Variants in SLC16A7 observed in about 807,000 individuals in gnomAD.
SLC16A7 encodes solute carrier family 16 member 7.
A neutral mutation model predicts 34.9 loss-of-function variants in SLC16A7; 33 were observed. The observed-to-expected ratio is 0.94, with a 90% CI of 0.72 to 1.26. The LOEUF (loss-of-function observed/expected upper bound fraction) is 1.26. Among genes scored for constraint, SLC16A7 ranks in the 50% most tolerant of loss-of-function variants. SLC16A7 has a pLI of 0.00. For synonymous variants in SLC16A7, 201 were observed against 206.6 expected (o/e 0.97, Z 0.23); for missense variants, 573 against 578.1 (o/e 0.99, Z 0.09).
chr12:59,620,507 G>C (rs1383530642), intron 1 of SLC16A7, among the ~76,000 whole-genome samples: 2 of 151,910 alleles, frequency 1.3e-5, no homozygotes, highest in Non-Finnish European at 2.9e-5. Flanking sequence ...ATTTATTTTT[G>C]CATTTCTGTC....
At chr12:59,639,357 A>C (rs1179325724) in intron 1 of SLC16A7, among the ~76,000 whole-genome samples, 1 of 152,162 alleles carries the variant, frequency 6.6e-6, no homozygotes, top group Non-Finnish European at 1.5e-5. Context: ...AAGTGATTAA[A>C]AGGAAAAAAG....
intron 3 of SLC16A7, among the ~76,000 whole-genome samples, chr12:59,761,742 C>T (rs1307372982): frequency 6.6e-6 from 1 of 152,036 alleles, no homozygotes; most frequent in African/African-American, 2.4e-5. Flanking sequence ...GGCATAATTC[C>T]TTGGAAGTGA....
In SLC16A7 at chr12:59,774,863, G is replaced by T; in HGVS notation, c.568G>T (p.Val190Leu). The T allele has an allele frequency of 1.2e-6, 2 of 1,613,940 alleles. No individual in the cohort carries two copies. The highest frequency in any genetic ancestry group is 2.2e-5 in the East Asian group (1 of 44,864). Residue 190 changes from valine to leucine, a missense_variant, in exon 5 of 6, where the codon GTG (valine) becomes TTG (leucine). Physicochemically the swap from Val to Leu is conservative, Grantham distance 32. Coordinates refer to ENST00000547379, the MANE Select transcript of SLC16A7 (RefSeq NM_001270623.2). ...ILGSLLLNAC[V>L]AGSLMRPLGP... ...GGGAAGTCTACTTTTGAATGCCTGT[G>T]TGGCTGGTTCCCTCATGAGACCCCT...
At chr12:59,692,026 A>G (rs2137099024) in intron 2 of SLC16A7, among the ~76,000 whole-genome samples, 1 of 152,118 alleles carries the variant, frequency 6.6e-6, no homozygotes, top group African/African-American at 2.4e-5. Context: ...CTATATTCTT[A>G]CATTTCTAGA....
chr12:59,742,832 T>C (rs916652314), intron 3 of SLC16A7, among the ~76,000 whole-genome samples: 10 of 152,236 alleles, frequency 6.6e-5, no homozygotes, highest in Non-Finnish European at 1.5e-4. Flanking sequence ...CAGCATGTTT[T>C]TCCTCTCTGT....
chr12:59,705,271 C>T (rs1226405876), intron 3 of SLC16A7, among the ~76,000 whole-genome samples: 1 of 152,170 alleles, frequency 6.6e-6, no homozygotes, highest in Non-Finnish European at 1.5e-5. Context: ...GCAAGATTTA[C>T]TAAATTATGG....
chr12:59,670,475 T>A (rs1429383196), intron 2 of SLC16A7, among the ~76,000 whole-genome samples: 1 of 152,138 alleles, frequency 6.6e-6, no homozygotes, highest in African/African-American at 2.4e-5. Flanking sequence ...ATTCCAACAT[T>A]CCCAAATGTC....
intron 2 of SLC16A7, among the ~76,000 whole-genome samples, chr12:59,661,180 T>C (rs1380735320): frequency 6.6e-6 from 1 of 152,058 alleles, no homozygotes; most frequent in Non-Finnish European, 1.5e-5. Context: ...GAGCATGCCA[T>C]TGTCTGCATT....
At chr12:59,623,842 G>A (rs1036462946) in intron 1 of SLC16A7, among the ~76,000 whole-genome samples, 11 of 151,452 alleles carry the variant, frequency 7.3e-5, no homozygotes, top group African/African-American at 2.7e-4. Flanking sequence ...TGATGTTACA[G>A]ATTTTGGTTG....
chr12:59,773,496 A>G (rs1882433788), intron 4 of SLC16A7, among the ~76,000 whole-genome samples: 1 of 152,176 alleles, frequency 6.6e-6, no homozygotes, highest in African/African-American at 2.4e-5. Context: ...CCTAAAATAA[A>G]TATAGAGTAA....
Position 59,775,361 on chromosome 12 carries a change from AGTGTT to A in SLC16A7, c.1067_1071del (p.Ser356ThrfsTer3). ...TGGCCTTGGATTTGGGAGTGTTAGC[AGTGTT>A]CTCTTTGAAACTCTCATGGACCTCG... On this transcript the variant is annotated frameshift_variant, in exon 5 of 6. Coordinates refer to ENST00000547379, the MANE Select transcript of SLC16A7 (RefSeq NM_001270623.2). LOFTEE classifies it high-confidence loss of function. 6.2e-7 allele frequency: 1 copy of A among 1,614,114 alleles called. No individual in the cohort carries two copies. The highest frequency in any genetic ancestry group is 8.5e-7 in the Non-Finnish European group (1 of 1,179,978).
rs999187422 is a variant in SLC16A7, at chr12:59,674,082, A to G, written c.-31+18832A>G. On this transcript the variant is annotated intron_variant, in intron 2 of 5. Transcript: ENST00000547379. ...TATTCCCTAATAACCTAAACCTTAC[A>G]TCTGATTTATCCATTTTATGTTGAA... Among the ~76,000 whole-genome samples the G allele has an allele frequency of 1.3e-5, 2 of 152,264 alleles. 1 individual carries two copies. Among genetic ancestry groups the G allele is most frequent in the Admixed American group, 1.3e-4 (2 of 15,280 alleles).
At chr12:59,740,316 G>T (rs1262176236) in intron 3 of SLC16A7, among the ~76,000 whole-genome samples, 1 of 152,100 alleles carries the variant, frequency 6.6e-6, no homozygotes, top group Middle Eastern at 3.4e-3. Flanking sequence ...TTTCCCCATT[G>T]CTTGTTTTTG....
At chr12:59,779,129 T>C (rs1883034071) in intron 5 of SLC16A7, among the ~76,000 whole-genome samples, 1 of 151,960 alleles carries the variant, frequency 6.6e-6, no homozygotes, top group African/African-American at 2.4e-5. Flanking sequence ...ACCTCACTCA[T>C]GTATGTATTA....
intron 2 of SLC16A7, among the ~76,000 whole-genome samples, chr12:59,656,324 G>C (rs992782554): frequency 6.6e-6 from 1 of 151,986 alleles, no homozygotes; most frequent in African/African-American, 2.4e-5. Flanking sequence ...TGCTAATCAG[G>C]TGACTTTGAA....
rs745611381 is a variant in SLC16A7 at position 59,786,561 on chromosome 12, ATATT to A, written c.*6888_*6891del. On this transcript the variant is annotated 3_prime_UTR_variant, in exon 6 of 6. Coordinates refer to ENST00000547379, the MANE Select transcript of SLC16A7 (RefSeq NM_001270623.2). Reference sequence around the variant, plus strand: ...AGTGAAATAGCAAATATGAATTAAAATATTTATTTCTAAACATTAGATCTAATTG... The same window carrying A: ...AGTGAAATAGCAAATATGAATTAAAATATTTCTAAACATTAGATCTAATTG... 5.3e-5 allele frequency: 8 copies of A among 152,186 alleles called. 1 individual carries two copies. The highest frequency in any genetic ancestry group is 2.1e-4 in the South Asian group (1 of 4,828). 9.4% of individuals were successfully genotyped at this position (152,186 alleles called of 1,614,324 possible).
chr12:59,649,738 G>C, intron 1 of SLC16A7, among the ~76,000 whole-genome samples: 1 of 152,042 alleles, frequency 6.6e-6, no homozygotes, highest in Non-Finnish European at 1.5e-5. Flanking sequence ...CACCTGAGGT[G>C]AGGAGTTCAA....
chr12:59,755,610 T>A (rs1271931139), intron 3 of SLC16A7, among the ~76,000 whole-genome samples: 1 of 152,044 alleles, frequency 6.6e-6, no homozygotes, highest in Admixed American at 6.6e-5. Context: ...TAAAAGAGGA[T>A]ACAAAGAAAT....
In SLC16A7 at chr12:59,750,683, A is replaced by C. The variant is rs979474915; in HGVS notation, c.218-20536A>C. ...CTCAAGGATCTAGAACTAGAAATAC[A>C]ATTTGACCCAGCAATCCCATTACTG... On this transcript the variant is annotated intron_variant, in intron 3 of 5. Transcript: ENST00000547379. Among the ~76,000 whole-genome samples, 10 of 152,214 alleles carry C rather than the reference A, an allele frequency of 6.6e-5. No individual in the cohort carries two copies. The East Asian group carries it at 1.7e-3, about 27-fold the overall frequency.
Sources: gnomAD v4.1 joint callset for allele counts (sites outside exome capture counted in the v4.1 genomes callset) on GRCh38, gnomAD v4.1.1 for gene constraint, MANE v1.5 for transcripts, NCBI Gene and HGNC (gene_info 2026-07-23, HGNC 2026-07-21) for gene names.